DISC1: variants seen among roughly 807,000 people sequenced by gnomAD.
The protein encoded by DISC1 is disrupted in schizophrenia 1 protein.
DISC1 carries 57 observed loss-of-function variants against 84.5 expected under a neutral mutation model. The ratio of observed to expected loss-of-function variants is 0.67; its 90% CI spans 0.55 to 0.84. DISC1 has a LOEUF of 0.84. Ranked by LOEUF, DISC1 falls within the 40% of genes least tolerant of loss-of-function variation. The probability of loss-of-function intolerance (pLI) is 0.00; values close to 1 mark genes in which losing one functional copy is unlikely to be tolerated. For synonymous variants in DISC1, 411 were observed against 415.2 expected, an observed-to-expected ratio of 0.99 and a Z score of 0.12; for missense variants, 1,000 against 1,057.8, an observed-to-expected ratio of 0.95 and a Z score of 0.76.
At chr1:231,918,756 A>T (rs991375425) in intron 9 of DISC1, among the ~76,000 whole-genome samples, 14 of 152,344 alleles carry the variant, frequency 9.2e-5, no homozygotes, top group African/African-American at 3.4e-4. Flanking sequence ...CAAGCCCAGC[A>T]GGAAGGAAGA....
chr1:231,822,182 C>G (rs1173663003), intron 9 of DISC1, among the ~76,000 whole-genome samples: 1 of 152,098 alleles, frequency 6.6e-6, no homozygotes, highest in Non-Finnish European at 1.5e-5. Context: ...ATAATCAGGA[C>G]TAGAATTTTA....
In DISC1 at chr1:231,770,854, A is replaced by C; in HGVS notation, c.1418A>C (p.Gln473Pro). Residue 473 changes from glutamine to proline, a missense_variant, in exon 6 of 13, where the codon CAA becomes CCA. Physicochemically the swap from Gln to Pro is moderately conservative, Grantham distance 76. This residue lies in a region of DISC1 where 311 missense variants were observed against 400.1 expected (regional missense o/e 0.78). Coordinates refer to ENST00000439617, the MANE Select transcript of DISC1 (RefSeq NM_018662.3). ...QQLQKEIEALQARMFVLEAKD... is the reference protein window; with the variant it reads ...QQLQKEIEALPARMFVLEAKD... ...CTACAGAAAGAAATCGAAGCTCTCC[A>C]AGCAAGGATGTTTGTGCTGGAAGCC... 1 of 1,614,176 alleles carries C rather than the reference A, an allele frequency of 6.2e-7. No individual in the cohort carries two copies. Among genetic ancestry groups the C allele is most frequent in the East Asian group, 2.2e-5 (1 of 44,888 alleles).
intron 12 of DISC1, among the ~76,000 whole-genome samples, chr1:232,032,720 A>G (rs1251952943): frequency 6.6e-6 from 1 of 152,224 alleles, no homozygotes; most frequent in East Asian, 1.9e-4. Context: ...TATTCTTGCA[A>G]TTAGGTGCAG....
intron 9 of DISC1, among the ~76,000 whole-genome samples, chr1:231,898,032 G>A (rs2087844914): frequency 6.6e-6 from 1 of 152,100 alleles, no homozygotes; most frequent in Non-Finnish European, 1.5e-5. Flanking sequence ...ACTTATAACA[G>A]AACTAGGGAG....
At chr1:231,894,869 A>G (rs1314955027) in intron 9 of DISC1, among the ~76,000 whole-genome samples, 2 of 151,280 alleles carry the variant, frequency 1.3e-5, no homozygotes, top group Non-Finnish European at 2.9e-5. Flanking sequence ...GCATTAGAGG[A>G]CATTCTGATA....
Position 232,040,034 on chromosome 1 carries a change from G to T in DISC1, c.*3203G>T, listed in dbSNP as rs1572720526. The T allele has an allele frequency of 7.0e-6, 1 of 141,942 alleles. No individual in the cohort carries two copies. Among genetic ancestry groups the T allele is most frequent in the Non-Finnish European group, 1.6e-5 (1 of 64,330 alleles). The allele number at this position is 141,942 out of a possible 1,614,324, so 8.8% of individuals were successfully genotyped here. A position where few individuals can be genotyped will look rare whatever the true frequency, so the allele number is the denominator to read the frequency against. On this transcript the variant is annotated 3_prime_UTR_variant, in exon 13 of 13. Coordinates refer to ENST00000439617, the MANE Select transcript of DISC1 (RefSeq NM_018662.3). ...GATGGAGTCTCTCTCTGTCACCCAAGTTGGAGTGCAGTGGCCCCGCAATCT... is the reference window on the plus strand; with the variant it reads ...GATGGAGTCTCTCTCTGTCACCCAATTTGGAGTGCAGTGGCCCCGCAATCT...
At chr1:231,712,732 T>C (rs767320413) in intron 3 of DISC1, among the ~76,000 whole-genome samples, 6 of 152,220 alleles carry the variant, frequency 3.9e-5, no homozygotes, top group Non-Finnish European at 8.8e-5. Context: ...GACATAGGCA[T>C]GTATCTCTGC....
chr1:231,798,436 CTG>C (rs1364775076), intron 7 of DISC1, among the ~76,000 whole-genome samples: 1 of 152,074 alleles, frequency 6.6e-6, no homozygotes, highest in African/African-American at 2.4e-5. Flanking sequence ...AAAGGAGAAA[CTG>C]ACTCAATTAT....
chr1:231,954,770 G>A lies in DISC1; in HGVS notation c.1982-4058G>A, dbSNP rs186267871. On this transcript the variant is annotated intron_variant, in intron 9 of 12. Coordinates refer to ENST00000439617, the MANE Select transcript of DISC1 (RefSeq NM_018662.3). This position sits in a 1 kb window ranked among gnomAD's most constrained non-coding sequence, Gnocchi z 4.8. Reference sequence around the variant, plus strand: ...AGCGTGTCTGTGGCTGTATTGATTCGGAAGTTTAAAATCTAAACTCCCTGT... The same window carrying A: ...AGCGTGTCTGTGGCTGTATTGATTCAGAAGTTTAAAATCTAAACTCCCTGT... Among the ~76,000 whole-genome samples the A allele has an allele frequency of 1.3e-3, 197 of 152,274 alleles. No homozygotes were observed. The East Asian group carries it at 0.025, about 19-fold the overall frequency.
chr1:231,934,387 G>A (rs1208337981), intron 9 of DISC1, among the ~76,000 whole-genome samples: 3 of 152,208 alleles, frequency 2.0e-5, no homozygotes, highest in Admixed American at 6.5e-5. Context: ...TATCCAGGGC[G>A]TGGAGGCCAT....
intron 9 of DISC1, among the ~76,000 whole-genome samples, chr1:231,841,437 T>A (rs1424080151): frequency 2.0e-5 from 3 of 152,172 alleles, no homozygotes; most frequent in African/African-American, 7.2e-5. Context: ...ACAGAGTGGG[T>A]GGTAGATCTT....
At chr1:232,024,867 G>GC (rs1669303506) in intron 11 of DISC1, among the ~76,000 whole-genome samples, 1 of 152,108 alleles carries the variant, frequency 6.6e-6, no homozygotes, top group Non-Finnish European at 1.5e-5. Context: ...TGGGATTACA[G>GC]CTGCGAGCCA....
rs1012697020 is a variant in DISC1, at chr1:232,036,950, T to A, written c.*119T>A. The A allele has an allele frequency of 1.3e-5, 15 of 1,147,288 alleles. No homozygotes were observed. The highest frequency in any genetic ancestry group is 1.7e-5 in the Non-Finnish European group (15 of 864,856). 71.1% of individuals were successfully genotyped at this position (1,147,288 alleles called of 1,614,324 possible). On this transcript the variant is annotated 3_prime_UTR_variant, in exon 13 of 13. Transcript: ENST00000439617. ...ATTACGGAGATACAGAGCCTTGAGG[T>A]CTTTCAGTGGAAAGGTGGTTCATGT... is the stretch of plus-strand genomic sequence containing the variant.
chr1:231,682,294 C>T (rs2063773598), intron 1 of DISC1, among the ~76,000 whole-genome samples: 1 of 152,162 alleles, frequency 6.6e-6, no homozygotes, highest in South Asian at 2.1e-4. Flanking sequence ...CAACTGAGTT[C>T]CCTTTGGCAC....
chr1:231,978,308 T>C (rs1250686023), intron 10 of DISC1, among the ~76,000 whole-genome samples: 2 of 152,230 alleles, frequency 1.3e-5, no homozygotes, highest in African/African-American at 2.4e-5. Context: ...ATCAGCTTTT[T>C]ACCTACATTG....
At chr1:231,707,592 A>G (rs1393234945) in intron 3 of DISC1, among the ~76,000 whole-genome samples, 1 of 152,252 alleles carries the variant, frequency 6.6e-6, no homozygotes, top group Non-Finnish European at 1.5e-5. Context: ...GAAATGCTCA[A>G]AGTCACCATT....
chr1:231,837,813 C>T (rs1165469019), intron 9 of DISC1, among the ~76,000 whole-genome samples: 1 of 152,078 alleles, frequency 6.6e-6, no homozygotes. Flanking sequence ...CTGAAGCATG[C>T]CATTGTGGAT....
chr1:231,629,911 A>C (rs1395815743), intron 1 of DISC1, among the ~76,000 whole-genome samples: 1 of 152,068 alleles, frequency 6.6e-6, no homozygotes, highest in Non-Finnish European at 1.5e-5. Flanking sequence ...GAGCAAAGAG[A>C]GGGTACAATG....
intron 3 of DISC1, among the ~76,000 whole-genome samples, chr1:231,730,041 A>T (rs2125168824): frequency 6.6e-6 from 1 of 152,366 alleles, no homozygotes; most frequent in South Asian, 2.1e-4. Context: ...AGCAATTACC[A>T]CTAAAAGGGT....
Sources: allele counts gnomAD v4.1 joint callset (sites outside exome capture counted in the v4.1 genomes callset), GRCh38; gene constraint gnomAD v4.1.1; regional missense constraint gnomAD v4.1.1; non-coding constraint Gnocchi (gnomAD v3.1); transcripts MANE v1.5; gene names NCBI Gene and HGNC (gene_info 2026-07-23, HGNC 2026-07-21).